The following APOL6 variants were observed in gnomAD, a reference collection of about 807,000 sequenced individuals.
APOL6 encodes the protein apolipoprotein L6.
APOL6 carries 1 observed loss-of-function variant against 2.4 expected under a neutral mutation model. The ratio of observed to expected loss-of-function variants is 0.41; its 90% CI spans 0.15 to 1.94. The LOEUF is 1.94. Ranked by LOEUF, APOL6 falls within the 30% of genes most tolerant of loss-of-function variation. The pLI is 0.30. For synonymous variants in APOL6, 189 were observed against 169.3 expected, an observed-to-expected ratio of 1.12 and a Z score of -0.90; for missense variants, 438 against 429.2, an observed-to-expected ratio of 1.02 and a Z score of -0.18.
In APOL6 at chr22:35,663,598, C is replaced by T. The variant is rs1381008865; in HGVS notation, c.*4002C>T. 2 of 149,882 alleles carry T rather than the reference C, an allele frequency of 1.3e-5. No homozygotes were observed. Among genetic ancestry groups the T allele is most frequent in the African/African-American group, 2.5e-5 (1 of 40,716 alleles). 9.3% of individuals were successfully genotyped at this position (149,882 alleles called of 1,614,324 possible). A position where few individuals can be genotyped will look rare whatever the true frequency, so the allele number is the denominator to read the frequency against. ...TTTTTGACTAAAATAGCTATTGCAA[C>T]AGAGGCTACTCTTGGGTTAAGGAAG... On this transcript the variant is annotated 3_prime_UTR_variant, in exon 3 of 3. Transcript: ENST00000409652.
intron 1 of APOL6, among the ~76,000 whole-genome samples, chr22:35,651,578 T>TGACGTTCCCCTTCCTGTGTCC (rs1390448837): frequency 2.0e-5 from 3 of 151,784 alleles, no homozygotes; most frequent in African/African-American, 7.3e-5. Context: ...CCCCGGTGTG[T>TGACGTTCCCCTTCCTGTGTCC]GACGTTCCCC....
At position 35,664,858 on chromosome 22, in the gene APOL6, T is replaced by A. The variant is rs1284906248; in HGVS notation, c.*5262T>A. On this transcript the variant is annotated 3_prime_UTR_variant, in exon 3 of 3. Coordinates refer to ENST00000409652, the MANE Select transcript of APOL6 (RefSeq NM_030641.4). ...TAATTCAAAGCTTATTAAAAGGTTA[T>A]ATATAAAACAAGGTAAAAGGAACCA... The A allele has an allele frequency of 6.6e-6, 1 of 151,692 alleles. No individual in the cohort carries two copies. The highest frequency in any genetic ancestry group is 1.5e-5 in the Non-Finnish European group (1 of 67,900). 9.4% of individuals were successfully genotyped at this position (151,692 alleles called of 1,614,324 possible). A position where few individuals can be genotyped will look rare whatever the true frequency, so the allele number is the denominator to read the frequency against.
rs1216407920 is a variant in APOL6, at chr22:35,665,039, G to C, written c.*5443G>C. 3 of 151,694 alleles carry C rather than the reference G, an allele frequency of 2.0e-5. No homozygotes were observed. The East Asian group carries it at 5.8e-4, about 29-fold the overall frequency. The allele number at this position is 151,694 out of a possible 1,614,324, so 9.4% of individuals were successfully genotyped here. On this transcript the variant is annotated 3_prime_UTR_variant, in exon 3 of 3. Coordinates refer to ENST00000409652, the MANE Select transcript of APOL6 (RefSeq NM_030641.4). Reference sequence around the variant, plus strand: ...GTTGTTTAACAAGGAGGGATGTTCAGGACAAACCAGAAAGTCCAAGCATGT... The same window carrying C: ...GTTGTTTAACAAGGAGGGATGTTCACGACAAACCAGAAAGTCCAAGCATGT...
rs1925034913 is a variant in APOL6, at chr22:35,661,767, T to C, written c.*2171T>C. The C allele has an allele frequency of 6.6e-6, 1 of 152,214 alleles. No individual in the cohort carries two copies. The highest frequency in any genetic ancestry group is 2.4e-5 in the African/African-American group (1 of 41,448). The allele number at this position is 152,214 out of a possible 1,614,324, so 9.4% of individuals were successfully genotyped here. On this transcript the variant is annotated 3_prime_UTR_variant, in exon 3 of 3. Coordinates refer to ENST00000409652, the MANE Select transcript of APOL6 (RefSeq NM_030641.4). ...TGAGTCAGTGAGTGGTGAATGAATGTGAAGGCCTAGGGCATTACTGTATAC... is the reference window on the plus strand; with the variant it reads ...TGAGTCAGTGAGTGGTGAATGAATGCGAAGGCCTAGGGCATTACTGTATAC...
At chr22:35,652,316 G>C (rs1402133830) in intron 1 of APOL6, among the ~76,000 whole-genome samples, 5 of 151,462 alleles carry the variant, frequency 3.3e-5, no homozygotes, top group South Asian at 4.3e-4. Context: ...CAGATGAGTA[G>C]ATTGCAAAAA....
chr22:35,658,835 A>G lies in APOL6; in HGVS notation c.271A>G (p.Met91Val). The G allele has an allele frequency of 6.2e-7, 1 of 1,614,154 alleles. No homozygotes were observed. Among genetic ancestry groups the G allele is most frequent in the Non-Finnish European group, 8.5e-7 (1 of 1,180,024 alleles). ...ATSTAVISGVMSLLGLALAPA... is the reference protein window; with the variant it reads ...ATSTAVISGVVSLLGLALAPA... ...CTCTACTGCTGTCATCTCTGGAGTG[A>G]TGAGCCTCCTGGGTTTAGCCCTTGC... The change falls in exon 3 of 3, where the codon ATG (methionine) becomes GTG (valine). Residue 91 changes from methionine to valine, a missense_variant. Transcript: ENST00000409652.
At chr22:35,653,429 G>A (rs1008464641) in intron 1 of APOL6, among the ~76,000 whole-genome samples, 11 of 152,152 alleles carry the variant, frequency 7.2e-5, no homozygotes, top group South Asian at 6.2e-4. Flanking sequence ...AACTTCCAAC[G>A]CTATGTTGAA....
intron 1 of APOL6, among the ~76,000 whole-genome samples, chr22:35,650,066 C>T (rs764538731): frequency 2.0e-5 from 3 of 152,152 alleles, no homozygotes; most frequent in Non-Finnish European, 4.4e-5. Flanking sequence ...GTGACACTGG[C>T]CTCCCTATGT....
chr22:35,659,689 C>T lies in APOL6; in HGVS notation c.*93C>T, dbSNP rs571692568. 2.3e-4 allele frequency: 336 copies of T among 1,453,772 alleles called. No individual in the cohort carries two copies. Among genetic ancestry groups the T allele is most frequent in the Admixed American group, 5.9e-4 (24 of 40,432 alleles). The allele number at this position is 1,453,772 out of a possible 1,614,324, so 90.1% of individuals were successfully genotyped here. The stretch of plus-strand genomic sequence containing the variant: ...GAGGGTGCCTGTCCTGGACAGACCT[C>T]GGCATGCCTTCTGTTTCTCCTTCAA... On this transcript the variant is annotated 3_prime_UTR_variant, in exon 3 of 3. Coordinates refer to ENST00000409652, the MANE Select transcript of APOL6 (RefSeq NM_030641.4).
chr22:35,664,213 G>A lies in APOL6; in HGVS notation c.*4617G>A, dbSNP rs1925109108. On this transcript the variant is annotated 3_prime_UTR_variant, in exon 3 of 3. Transcript: ENST00000409652. ...CAAATACCAGAAGGTGTCAAAATTT[G>A]GCATAGGGGTTATAAAACTATAAAC... is the stretch of plus-strand genomic sequence containing the variant. 1 of 152,108 alleles carries A rather than the reference G, an allele frequency of 6.6e-6. No homozygotes were observed. The highest frequency in any genetic ancestry group is 1.9e-4 in the East Asian group (1 of 5,196). The allele number at this position is 152,108 out of a possible 1,614,324, so 9.4% of individuals were successfully genotyped here.
rs201669216 is a variant in APOL6, at chr22:35,659,234, G to A, written c.670G>A (p.Gly224Arg). The A allele has an allele frequency of 1.3e-5, 21 of 1,614,180 alleles. No individual in the cohort carries two copies. Among genetic ancestry groups the A allele is most frequent in the Non-Finnish European group, 1.8e-5 (21 of 1,180,028 alleles). Reference protein sequence around the residue: ...SRVQVQKAFAGTTLAMTKNAR... With the variant: ...SRVQVQKAFARTTLAMTKNAR... ...CGTGCAGGTGCAAAAGGCCTTTGCG[G>A]GAACAACACTGGCGATGACCAAAAA... The change falls in exon 3 of 3, where the codon GGA (glycine) becomes AGA (arginine). Residue 224 changes from glycine to arginine, a missense_variant. Transcript: ENST00000409652.
chr22:35,651,568 C>T (rs1329649734), intron 1 of APOL6, among the ~76,000 whole-genome samples: 1 of 152,052 alleles, frequency 6.6e-6, no homozygotes, highest in African/African-American at 2.4e-5. Flanking sequence ...CCACAACAGG[C>T]CCCGGTGTGT....
At position 35,659,717 on chromosome 22, in the gene APOL6, C is replaced by T; in HGVS notation, c.*121C>T. On this transcript the variant is annotated 3_prime_UTR_variant, in exon 3 of 3. Transcript: ENST00000409652. ...CATGCCTTCTGTTTCTCCTTCAATG[C>T]TCCTTAAGGCCTATGTGCTGGGAAA... 7.4e-7 allele frequency: 1 copy of T among 1,357,582 alleles called. No individual in the cohort carries two copies. The highest frequency in any genetic ancestry group is 9.8e-7 in the Non-Finnish European group (1 of 1,021,154). The allele number at this position is 1,357,582 out of a possible 1,614,324, so 84.1% of individuals were successfully genotyped here.
At position 35,665,722 on chromosome 22, in the gene APOL6, T is replaced by A. The variant is rs1925159739; in HGVS notation, c.*6126T>A. The A allele has an allele frequency of 1.3e-5, 2 of 152,256 alleles. No individual in the cohort carries two copies. The highest frequency in any genetic ancestry group is 2.9e-5 in the Non-Finnish European group (2 of 68,040). 9.4% of individuals were successfully genotyped at this position (152,256 alleles called of 1,614,324 possible). ...GGCTTCAGGCTGTTTTTATTAGGGCTTCTTGTTTAGAAAGTTAAGTCACCT... is the reference window on the plus strand; with the variant it reads ...GGCTTCAGGCTGTTTTTATTAGGGCATCTTGTTTAGAAAGTTAAGTCACCT... On this transcript the variant is annotated 3_prime_UTR_variant, in exon 3 of 3. Coordinates refer to ENST00000409652, the MANE Select transcript of APOL6 (RefSeq NM_030641.4).
chr22:35,667,362 G>A lies in APOL6; in HGVS notation c.*7766G>A, dbSNP rs73885406. 2.8e-3 allele frequency: 429 copies of A among 152,338 alleles called. 3 individuals carry two copies. Among genetic ancestry groups the A allele is most frequent in the African/African-American group, 9.2e-3 (383 of 41,570 alleles). The allele number at this position is 152,338 out of a possible 1,614,324, so 9.4% of individuals were successfully genotyped here. On this transcript the variant is annotated 3_prime_UTR_variant, in exon 3 of 3. Coordinates refer to ENST00000409652, the MANE Select transcript of APOL6 (RefSeq NM_030641.4). ...AATTGGTTCCAGAGATTCAAAGCCA[G>A]AGTTGCTGTCAGTTCATTGGTAGAG...
Position 35,658,828 on chromosome 22 carries a change from T to G in APOL6, c.264T>G (p.Ser88=), listed in dbSNP as rs1474681134. Residue 88 remains serine (S), a synonymous_variant, in exon 3 of 3, where the codon TCT becomes TCG. Coordinates refer to ENST00000409652, the MANE Select transcript of APOL6 (RefSeq NM_030641.4). ...NMVATSTAVI[S]GVMSLLGLAL... is the part of the protein sequence containing the mutation. ...TGGCCACCTCTACTGCTGTCATCTC[T>G]GGAGTGATGAGCCTCCTGGGTTTAG... The G allele has an allele frequency of 1.2e-6, 2 of 1,614,040 alleles. No individual in the cohort carries two copies. The highest frequency in any genetic ancestry group is 8.5e-7 in the Non-Finnish European group (1 of 1,180,032).
At chr22:35,656,657 G>A (rs900765616) in intron 2 of APOL6, among the ~76,000 whole-genome samples, 182 bp downstream of exon 2, 2 of 152,252 alleles carry the variant, frequency 1.3e-5, no homozygotes, top group Admixed American at 1.3e-4. Context: ...ACTTCATGGA[G>A]CTAAAGTAAA....
intron 1 of APOL6, among the ~76,000 whole-genome samples, chr22:35,651,967 C>T (rs1333531571): frequency 6.6e-6 from 1 of 152,304 alleles, no homozygotes; most frequent in Non-Finnish European, 1.5e-5. Flanking sequence ...CCTGAGGAAT[C>T]GCCACACTGA....
At chr22:35,656,598 G>T (rs915264937) in intron 2 of APOL6, 123 bp downstream of exon 2, 11 of 1,131,388 alleles carry the variant, frequency 9.7e-6, no homozygotes, top group Middle Eastern at 5.1e-4. Flanking sequence ...TTATCTTACC[G>T]CTGGTCTCCA....
Sources: gnomAD v4.1 joint callset for allele counts (sites outside exome capture counted in the v4.1 genomes callset) on GRCh38, gnomAD v4.1.1 for gene constraint, MANE v1.5 for transcripts, NCBI Gene and HGNC (gene_info 2026-07-23, HGNC 2026-07-21) for gene names.